The following C5orf24 variants were observed in gnomAD, a reference collection of about 807,000 sequenced individuals.
The protein encoded by C5orf24 is UPF0461 protein C5orf24.
In C5orf24, 4 loss-of-function variants were observed where a neutral mutation model predicts 9.8. The ratio of observed to expected loss-of-function variants is 0.41; its 90% CI spans 0.20 to 0.93. The LOEUF is 0.93. C5orf24 is among the 40% of genes least tolerant of loss of function. The pLI is 0.33. For missense variants in C5orf24, 170 were observed against 236.9 expected, an observed-to-expected ratio of 0.72 and a Z score of 1.85; for synonymous variants, 73 against 81.3, an observed-to-expected ratio of 0.90 and a Z score of 0.55.
chr5:134,834,997 T>C, the C5orf24 span, among the ~76,000 whole-genome samples: 15 of 151,718 alleles, frequency 9.9e-5, no homozygotes, highest in Admixed American at 9.2e-4. Context: ...TGAGCCAAGA[T>C]TGCGGCACTG....
At chr5:134,847,832 T>A (rs1405461347) in intron 1 of C5orf24, among the ~76,000 whole-genome samples, 1 of 152,008 alleles carries the variant, frequency 6.6e-6, no homozygotes, top group Non-Finnish European at 1.5e-5. Context: ...CTGGAGTAGC[T>A]GGAGTTACAG....
chr5:134,834,917 G>A, the C5orf24 span, among the ~76,000 whole-genome samples: 3 of 152,098 alleles, frequency 2.0e-5, no homozygotes, highest in Non-Finnish European at 2.9e-5. Context: ...AGTGGCATGT[G>A]CCTGTAGTCC....
chr5:134,857,443 T>C lies in C5orf24; in HGVS notation c.*1976T>C. 1 of 1,535,988 alleles carries C rather than the reference T, an allele frequency of 6.5e-7. No homozygotes were observed. The highest frequency in any genetic ancestry group is 1.2e-5 in the South Asian group (1 of 81,720). Reference sequence around the variant, plus strand: ...TGCTGCTCTTTACAGTAAGAGGTGTTGCATTGTATGTGGGGACTATGTGCA... The same window carrying C: ...TGCTGCTCTTTACAGTAAGAGGTGTCGCATTGTATGTGGGGACTATGTGCA... On this transcript the variant is annotated 3_prime_UTR_variant, in exon 2 of 2. Transcript: ENST00000394976.
chr5:134,844,929 G>A (rs759588344), upstream of C5orf24, among the ~76,000 whole-genome samples: 5 of 152,004 alleles, frequency 3.3e-5, no homozygotes, highest in Non-Finnish European at 7.4e-5. Flanking sequence ...GTAGAGAAGG[G>A]GTTTCACCAT....
chr5:134,848,047 T>TGTGGCC (rs1189289221), intron 1 of C5orf24, among the ~76,000 whole-genome samples: 1 of 151,860 alleles, frequency 6.6e-6, no homozygotes, highest in Non-Finnish European at 1.5e-5. Flanking sequence ...TCGCGGTGGC[T>TGTGGCC]GTGGCCTGTA....
upstream of C5orf24, among the ~76,000 whole-genome samples, chr5:134,841,415 C>A (rs977806901): frequency 3.3e-5 from 5 of 151,826 alleles, no homozygotes; most frequent in Admixed American, 6.6e-5. Context: ...CATGGTGAAA[C>A]CCCCTCTCTA....
At chr5:134,840,040 G>C in the C5orf24 span, among the ~76,000 whole-genome samples, 2 of 152,074 alleles carry the variant, frequency 1.3e-5, no homozygotes, top group Non-Finnish European at 2.9e-5. Flanking sequence ...TGGGTGCGGT[G>C]GCTCACTCCT....
At chr5:134,842,114 C>T (rs1755902131), upstream of C5orf24, among the ~76,000 whole-genome samples, 1 of 152,148 alleles carries the variant, frequency 6.6e-6, no homozygotes, top group Non-Finnish European at 1.5e-5. Flanking sequence ...CTATTTCTCT[C>T]ATAGTGACTA....
At position 134,857,458 on chromosome 5, in the gene C5orf24, G is replaced by A. The variant is rs1011313586; in HGVS notation, c.*1991G>A. The A allele has an allele frequency of 6.6e-7, 1 of 1,510,014 alleles. No homozygotes were observed. The highest frequency in any genetic ancestry group is 1.3e-5 in the South Asian group (1 of 76,886). 93.5% of individuals were successfully genotyped at this position (1,510,014 alleles called of 1,614,324 possible). ...TAAGAGGTGTTGCATTGTATGTGGG[G>A]ACTATGTGCACTGGCGTCTAAGACA... On this transcript the variant is annotated 3_prime_UTR_variant, in exon 2 of 2. Coordinates refer to ENST00000394976, the MANE Select transcript of C5orf24 (RefSeq NM_001135586.1).
upstream of C5orf24, among the ~76,000 whole-genome samples, chr5:134,844,749 T>C (rs1455481452): frequency 1.3e-5 from 2 of 152,062 alleles, no homozygotes; most frequent in Non-Finnish European, 2.9e-5. Flanking sequence ...TGTTGTTGTT[T>C]GTTTGTTTGA....
rs565878997 is a variant in C5orf24 at position 134,854,804 on chromosome 5, T to A, written c.-3-94T>A. ...CCTAATTTTATGTAGCCTGCATAGT[T>A]GTTGGAAGACAGACTGTTTTCTCAC... On this transcript the variant is annotated intron_variant, in intron 1 of 1. Transcript: ENST00000394976. The A allele has an allele frequency of 7.3e-6, 10 of 1,369,784 alleles. No individual in the cohort carries two copies. The African/African-American group carries it at 1.3e-4, about 18-fold the overall frequency. The allele number at this position is 1,369,784 out of a possible 1,614,324, so 84.9% of individuals were successfully genotyped here.
chr5:134,839,854 AT>A, the C5orf24 span, among the ~76,000 whole-genome samples: 2 of 150,830 alleles, frequency 1.3e-5, no homozygotes, highest in Admixed American at 6.6e-5. Flanking sequence ...TGCCTGGCTA[AT>A]TTTTTTTTCT....
chr5:134,855,685 A>G lies in C5orf24; in HGVS notation c.*218A>G. 1 of 1,426,042 alleles carries G rather than the reference A, an allele frequency of 7.0e-7. No homozygotes were observed. Among genetic ancestry groups the G allele is most frequent in the Non-Finnish European group, 9.2e-7 (1 of 1,091,998 alleles). 88.3% of individuals were successfully genotyped at this position (1,426,042 alleles called of 1,614,324 possible). A position where few individuals can be genotyped will look rare whatever the true frequency, so the allele number is the denominator to read the frequency against. ...TGTATTTGTACATAGGTTCAAGTGT[A>G]ACACCTAACTAAATCATTTTTCCTT... On this transcript the variant is annotated 3_prime_UTR_variant, in exon 2 of 2. Transcript: ENST00000394976.
At chr5:134,840,338 G>A in the C5orf24 span, among the ~76,000 whole-genome samples, 4 of 149,458 alleles carry the variant, frequency 2.7e-5, no homozygotes, top group Non-Finnish European at 5.9e-5. Flanking sequence ...GAACAGGGAA[G>A]TGATGTGGCC....
chr5:134,853,254 G>A (rs1033548683), intron 1 of C5orf24, among the ~76,000 whole-genome samples: 7 of 151,734 alleles, frequency 4.6e-5, no homozygotes, highest in African/African-American at 1.5e-4. Flanking sequence ...CCAGCTACTC[G>A]GGAGGCTGAG....
At position 134,855,721 on chromosome 5, in the gene C5orf24, G is replaced by C. The variant is rs1756293372; in HGVS notation, c.*254G>C. On this transcript the variant is annotated 3_prime_UTR_variant, in exon 2 of 2. Coordinates refer to ENST00000394976, the MANE Select transcript of C5orf24 (RefSeq NM_001135586.1). ...AAATCATTTTTCCTTTTCCTTTAGA[G>C]TTATGGTCATGTCTCATGTTTCATT... 7.4e-7 allele frequency: 1 copy of C among 1,359,434 alleles called. No homozygotes were observed. Among genetic ancestry groups the C allele is most frequent in the Non-Finnish European group, 9.5e-7 (1 of 1,052,056 alleles). 84.2% of individuals were successfully genotyped at this position (1,359,434 alleles called of 1,614,324 possible).
chr5:134,841,537 A>G (rs1580834336), upstream of C5orf24, among the ~76,000 whole-genome samples: 1 of 152,122 alleles, frequency 6.6e-6, no homozygotes, highest in Non-Finnish European at 1.5e-5. Flanking sequence ...CAGGGAACCA[A>G]CATCTCGCCA....
upstream of C5orf24, chr5:134,845,578 T>G (rs1755967655): frequency 6.6e-6 from 1 of 152,256 alleles, no homozygotes; most frequent in Non-Finnish European, 1.5e-5. Context: ...GTAATCTGCG[T>G]GGATCATAGG....
rs1756274924 is a variant in C5orf24 at position 134,855,115 on chromosome 5, T to C, written c.215T>C (p.Ile72Thr). 7 of 1,613,800 alleles carry C rather than the reference T, an allele frequency of 4.3e-6. No individual in the cohort carries two copies. Among genetic ancestry groups the C allele is most frequent in the South Asian group, 1.1e-5 (1 of 91,078 alleles). ...TTGCAGACTACAAGTGGCAGAAGCA[T>C]AGAAATAAAAGATGAACTAAAGAAA... The part of the protein sequence containing the change: ...THLQTTSGRS[I>T]EIKDELKKKK... Residue 72 changes from isoleucine to threonine, a missense_variant, in exon 2 of 2, where the codon ATA (isoleucine) becomes ACA (threonine). Ile to Thr is a moderately conservative substitution (Grantham distance 89). This residue lies in a region of C5orf24 where 93 missense variants were observed against 104.5 expected (regional missense o/e 0.89). Transcript: ENST00000394976.
Sources: gnomAD v4.1 joint callset for allele counts (sites outside exome capture counted in the v4.1 genomes callset) on GRCh38, gnomAD v4.1.1 for gene constraint, gnomAD v4.1.1 regional missense constraint, MANE v1.5 for transcripts, NCBI Gene and HGNC (gene_info 2026-07-23, HGNC 2026-07-21) for gene names.